The following MCTP2 variants were observed in gnomAD, a reference collection of about 807,000 sequenced individuals.
The protein encoded by MCTP2 is multiple C2 and transmembrane domain-containing protein 2.
In MCTP2, 132 loss-of-function variants were observed where a neutral mutation model predicts 111.6. The observed-to-expected ratio is 1.18, with a 90% CI of 1.03 to 1.37. The LOEUF is 1.37. Ranked by LOEUF, MCTP2 falls within the 40% of genes most tolerant of loss-of-function variation. The pLI is 0.00. For synonymous variants in MCTP2, 395 were observed against 387.7 expected, an observed-to-expected ratio of 1.02 and a Z score of -0.22; for missense variants, 1,183 against 1,067.9, an observed-to-expected ratio of 1.11 and a Z score of -1.50.
At chr15:94,310,841 G>A (rs1408613484) in intron 2 of MCTP2, among the ~76,000 whole-genome samples, 4 of 151,714 alleles carry the variant, frequency 2.6e-5, no homozygotes, top group African/African-American at 4.8e-5. Flanking sequence ...TCAGGAGGCC[G>A]AGGCAGGAGG....
intron 9 of MCTP2, among the ~76,000 whole-genome samples, chr15:94,356,942 ATAAT>A (rs1318427977): frequency 6.6e-6 from 1 of 152,136 alleles, no homozygotes; most frequent in Non-Finnish European, 1.5e-5. Context: ...CTAAAGCGTG[ATAAT>A]TAATTAGTTT....
intron 14 of MCTP2, among the ~76,000 whole-genome samples, chr15:94,385,829 A>G (rs1461409466): frequency 6.6e-6 from 1 of 152,228 alleles, no homozygotes; most frequent in African/African-American, 2.4e-5. Context: ...TACAAGGAAT[A>G]TAGATGAATG....
At chr15:94,285,531 G>A (rs866539013) in intron 1 of MCTP2, among the ~76,000 whole-genome samples, 1 of 151,730 alleles carries the variant, frequency 6.6e-6, no homozygotes, top group South Asian at 2.1e-4. Context: ...TTTGTTGAAT[G>A]GTACATTAAC....
chr15:94,477,306 A>G (rs1437981899), intron 22 of MCTP2, among the ~76,000 whole-genome samples: 1 of 152,224 alleles, frequency 6.6e-6, no homozygotes, highest in Non-Finnish European at 1.5e-5. Context: ...ACTGTAATAC[A>G]CAAAGAGGCA....
At chr15:94,442,024 TG>T (rs1479349369) in intron 18 of MCTP2, among the ~76,000 whole-genome samples, 6 of 152,240 alleles carry the variant, frequency 3.9e-5, no homozygotes, top group African/African-American at 1.4e-4. Flanking sequence ...GAGTATTCTC[TG>T]GATACTTTAG....
intron 1 of MCTP2, among the ~76,000 whole-genome samples, chr15:94,245,479 T>C (rs941616431): frequency 1.1e-4 from 15 of 140,908 alleles, no homozygotes; most frequent in Admixed American, 9.5e-4. Flanking sequence ...TATATGTATA[T>C]ATACATACAT....
intron 4 of MCTP2, among the ~76,000 whole-genome samples, chr15:94,320,784 G>A (rs2076598571): frequency 6.6e-6 from 1 of 152,112 alleles, no homozygotes; most frequent in Non-Finnish European, 1.5e-5. Flanking sequence ...CTGATTTAAT[G>A]GAAGCTTTAA....
chr15:94,286,746 A>G (rs1434244645), intron 1 of MCTP2, among the ~76,000 whole-genome samples: 1 of 152,222 alleles, frequency 6.6e-6, no homozygotes, highest in African/African-American at 2.4e-5. Flanking sequence ...GCTAGAGGCC[A>G]GCTGGGGAGG....
intron 4 of MCTP2, among the ~76,000 whole-genome samples, chr15:94,325,107 G>T (rs1162493969): frequency 6.6e-6 from 1 of 152,144 alleles, no homozygotes; most frequent in Non-Finnish European, 1.5e-5. Context: ...ATGATGTGAC[G>T]TGCTGAAGAG....
chr15:94,407,791 AC>A (rs2081977341), intron 17 of MCTP2, among the ~76,000 whole-genome samples: 3 of 103,312 alleles, frequency 2.9e-5, no homozygotes, highest in African/African-American at 1.2e-4. Context: ...ACACACACAC[AC>A]ACACACACAC....
intron 2 of MCTP2, among the ~76,000 whole-genome samples, chr15:94,304,822 G>A (rs2075807536): frequency 6.6e-6 from 1 of 152,110 alleles, no homozygotes; most frequent in South Asian, 2.1e-4. Flanking sequence ...AGCCCACTTA[G>A]TCCAGGAAGC....
At chr15:94,410,115 T>A (rs916932993) in intron 17 of MCTP2, among the ~76,000 whole-genome samples, 2 of 152,214 alleles carry the variant, frequency 1.3e-5, no homozygotes, top group Admixed American at 1.3e-4. Context: ...TGGAATGGGT[T>A]ACAAGTATGG....
intron 12 of MCTP2, among the ~76,000 whole-genome samples, chr15:94,375,813 T>C (rs1480988713): frequency 1.3e-5 from 2 of 152,174 alleles, no homozygotes; most frequent in Non-Finnish European, 2.9e-5. Flanking sequence ...AATAGGCATG[T>C]TAGGGGACCA....
intron 10 of MCTP2, among the ~76,000 whole-genome samples, chr15:94,363,864 C>T (rs927740911): frequency 3.9e-5 from 6 of 152,016 alleles, no homozygotes; most frequent in Admixed American, 6.6e-5. Context: ...GTGATGCCAC[C>T]GGAACAGACC....
At chr15:94,339,512 CT>C in intron 5 of MCTP2, 80 bp downstream of exon 5, 1 of 1,052,366 alleles carries the variant, frequency 9.5e-7, no homozygotes, top group Middle Eastern at 2.4e-4. Context: ...TAGACGTGAA[CT>C]TGCCAAAATT....
At chr15:94,317,580 G>A (rs1255033657) in intron 4 of MCTP2, among the ~76,000 whole-genome samples, 3 of 152,104 alleles carry the variant, frequency 2.0e-5, no homozygotes, top group Non-Finnish European at 4.4e-5. Context: ...GAGCTGCACT[G>A]GCCATCTTAC....
rs1193067025 is a variant in MCTP2, at chr15:94,480,736, A to G, written c.*1702A>G. On this transcript the variant is annotated 3_prime_UTR_variant, in exon 23 of 23. Transcript: ENST00000357742. ...ATGTGAGATCTGATCAGTCATTTGA[A>G]TGAAAACTTTCAGCAGCAAAATAAC... 5 of 152,368 alleles carry G rather than the reference A, an allele frequency of 3.3e-5. No individual in the cohort carries two copies. Among genetic ancestry groups the G allele is most frequent in the East Asian group, 1.9e-4 (1 of 5,186 alleles). 9.4% of individuals were successfully genotyped at this position (152,368 alleles called of 1,614,324 possible).
At chr15:94,418,721 A>C (rs960562518) in intron 17 of MCTP2, among the ~76,000 whole-genome samples, 3 of 152,172 alleles carry the variant, frequency 2.0e-5, no homozygotes, top group African/African-American at 7.2e-5. Context: ...AAAATGTAGA[A>C]TATAGTGTGG....
At position 94,339,371 on chromosome 15, in the gene MCTP2, C is replaced by G. The variant is rs762043014; in HGVS notation, c.719C>G (p.Pro240Arg). The change falls in exon 5 of 23, where the codon CCA (proline) becomes CGA (arginine). Residue 240 changes from proline to arginine, a missense_variant. Coordinates refer to ENST00000357742, the MANE Select transcript of MCTP2 (RefSeq NM_001385001.1). ...AAAGTCATATATAAGAACTTGAACC[C>G]AGTATGGGATGAGATAGTTGTATTG... ...KSKVIYKNLN[P>R]VWDEIVVLPI... 1 of 1,612,124 alleles carries G rather than the reference C, an allele frequency of 6.2e-7. No individual in the cohort carries two copies. Among genetic ancestry groups the G allele is most frequent in the Non-Finnish European group, 8.5e-7 (1 of 1,178,848 alleles).
Sources: gnomAD v4.1 joint callset for allele counts (sites outside exome capture counted in the v4.1 genomes callset) on GRCh38, gnomAD v4.1.1 for gene constraint, MANE v1.5 for transcripts, NCBI Gene and HGNC (gene_info 2026-07-23, HGNC 2026-07-21) for gene names.